KIF26B: variants seen among roughly 807,000 people sequenced by gnomAD.
The protein encoded by KIF26B is kinesin family member 26B.
A neutral mutation model predicts 151.2 loss-of-function variants in KIF26B; 63 were observed. That is an observed-to-expected ratio of 0.42 (90% CI 0.34 to 0.51). The LOEUF (loss-of-function observed/expected upper bound fraction) is 0.51, where lower values mean the gene tolerates loss of function less well. Ranked by LOEUF, KIF26B falls within the 20% of genes least tolerant of loss-of-function variation. The pLI, the probability that KIF26B is intolerant of heterozygous loss-of-function variation, is 0.07. For missense variants in KIF26B, 2,813 were observed against 2,913.6 expected (o/e 0.97, Z 0.79); for synonymous variants, 1,357 against 1,262.1 (o/e 1.08, Z -1.59).
Position 245,703,643 on chromosome 1 carries a change from C to T in KIF26B, c.*1037C>T, listed in dbSNP as rs1035308711. The T allele has an allele frequency of 6.6e-6, 1 of 152,204 alleles. No individual in the cohort carries two copies. Among genetic ancestry groups the T allele is most frequent in the African/African-American group, 2.4e-5 (1 of 41,454 alleles). 9.4% of individuals were successfully genotyped at this position (152,204 alleles called of 1,614,324 possible). A position where few individuals can be genotyped will look rare whatever the true frequency, so the allele number is the denominator to read the frequency against. On this transcript the variant is annotated 3_prime_UTR_variant, in exon 15 of 15. Coordinates refer to ENST00000407071, the MANE Select transcript of KIF26B (RefSeq NM_018012.4). ...TTGAACGAAAGCTGGAACCAATTCA[C>T]CAGAGCCATATTTCTTTCTTTAGTA...
chr1:245,404,535 A>T (rs768222607), intron 3 of KIF26B, among the ~76,000 whole-genome samples: 40 of 152,186 alleles, frequency 2.6e-4, no homozygotes, highest in Non-Finnish European at 5.0e-4. Context: ...GACCCATATT[A>T]TAAAGTTCTA....
At chr1:245,565,109 C>T (rs986751859) in intron 5 of KIF26B, among the ~76,000 whole-genome samples, 43 of 152,214 alleles carry the variant, frequency 2.8e-4, no homozygotes, top group African/African-American at 9.9e-4. Context: ...TGCTTTTCAG[C>T]CTGGCTGAGC....
At chr1:245,172,113 C>T (rs149431924) in intron 2 of KIF26B, among the ~76,000 whole-genome samples, 430 of 152,248 alleles carry the variant, frequency 2.8e-3, no homozygotes, top group Non-Finnish European at 4.8e-3. Context: ...ACCTGTCCAG[C>T]ATTTCTTTGG....
intron 2 of KIF26B, among the ~76,000 whole-genome samples, chr1:245,314,554 A>G (rs1349447254): frequency 6.6e-6 from 1 of 152,196 alleles, no homozygotes; most frequent in Admixed American, 6.5e-5. Flanking sequence ...AAGCAAATGA[A>G]TGGTCGTGTG....
intron 2 of KIF26B, among the ~76,000 whole-genome samples, chr1:245,330,850 T>G (rs34130928): frequency 0.26 from 36,325 of 137,510 alleles, 8,160 homozygotes; most frequent in African/African-American, 0.6. Context: ...TGTCGGAGGA[T>G]GTCTGATATA....
At chr1:245,245,390 G>A (rs1670308546) in intron 2 of KIF26B, among the ~76,000 whole-genome samples, 1 of 152,180 alleles carries the variant, frequency 6.6e-6, no homozygotes, top group African/African-American at 2.4e-5. Context: ...TGAATGGGGT[G>A]ATGCCTGGTC....
chr1:245,261,506 TCC>T (rs1558366115), intron 2 of KIF26B, among the ~76,000 whole-genome samples: 8 of 89,942 alleles, frequency 8.9e-5, no homozygotes, highest in African/African-American at 2.3e-4. Context: ...TCTCTCTCCC[TCC>T]CTCCCTCCCT....
intron 4 of KIF26B, among the ~76,000 whole-genome samples, chr1:245,472,782 A>T (rs1476713349): frequency 2.0e-5 from 3 of 152,182 alleles, no homozygotes; most frequent in Non-Finnish European, 4.4e-5. Flanking sequence ...AACCTCCCTG[A>T]GCCCCTTGGG....
intron 10 of KIF26B, among the ~76,000 whole-genome samples, chr1:245,681,167 T>C (rs2044430955): frequency 6.6e-6 from 1 of 151,892 alleles, no homozygotes; most frequent in African/African-American, 2.4e-5. Flanking sequence ...CAGCTTGATG[T>C]CACCACGTTA....
intron 12 of KIF26B, among the ~76,000 whole-genome samples, chr1:245,690,636 C>T (rs1161349658): frequency 3.9e-5 from 6 of 152,172 alleles, no homozygotes; most frequent in African/African-American, 7.2e-5. Context: ...CAGCCCCATC[C>T]GCTCCCCTCA....
chr1:245,410,771 C>A (rs921698578), intron 3 of KIF26B, among the ~76,000 whole-genome samples: 1 of 152,120 alleles, frequency 6.6e-6, no homozygotes, highest in African/African-American at 2.4e-5. Context: ...ATATATATAA[C>A]CTAAAATTTA....
Position 245,661,310 on chromosome 1 carries a change from G to A in KIF26B, c.2258+15030G>A, listed in dbSNP as rs930553130. Among the ~76,000 whole-genome samples the A allele has an allele frequency of 3.4e-5, 5 of 148,736 alleles. No homozygotes were observed. The South Asian group carries it at 8.8e-4, about 26-fold the overall frequency. Reference sequence around the variant, plus strand: ...GCCCATTTTAATTATTTTGTGATCCGTGGGTTATTTAGAAATGTATTTACT... The same window carrying A: ...GCCCATTTTAATTATTTTGTGATCCATGGGTTATTTAGAAATGTATTTACT... On this transcript the variant is annotated intron_variant, in intron 10 of 14. Transcript: ENST00000407071.
intron 2 of KIF26B, among the ~76,000 whole-genome samples, chr1:245,346,545 T>C (rs779232548): frequency 6.6e-6 from 1 of 152,294 alleles, no homozygotes; most frequent in Middle Eastern, 3.4e-3. Context: ...CCAACCCTAC[T>C]TGTCAGACAG....
At chr1:245,674,870 C>T (rs75080528) in intron 10 of KIF26B, among the ~76,000 whole-genome samples, 2,267 of 152,226 alleles carry the variant, frequency 0.015, 65 homozygotes, top group African/African-American at 0.052. Context: ...TCTGCCAAGT[C>T]GGCCCAAGAC....
At position 245,668,669 on chromosome 1, in the gene KIF26B, G is replaced by A. The variant is rs546947327; in HGVS notation, c.2259-15564G>A. 1.8e-4 allele frequency among the ~76,000 whole-genome samples: 28 copies of A among 152,120 alleles called. 1 individual carries two copies. The East Asian group carries it at 5.2e-3, about 28-fold the overall frequency. On this transcript the variant is annotated intron_variant, in intron 10 of 14. Transcript: ENST00000407071. Reference sequence around the variant, plus strand: ...ATTTTGTGAGAACTGTAGGATCATGGAGATCATGTTTCTTTTCTTTTCTTT... The same window carrying A: ...ATTTTGTGAGAACTGTAGGATCATGAAGATCATGTTTCTTTTCTTTTCTTT...
Position 245,698,168 on chromosome 1 carries a change from C to T in KIF26B, c.5887C>T (p.Pro1963Ser), listed in dbSNP as rs765802976. The change falls in exon 13 of 15, where the codon CCC (proline) becomes TCC (serine). Residue 1963 changes from proline to serine, a missense_variant. Physicochemically the swap from Pro to Ser is moderately conservative, Grantham distance 74. Transcript: ENST00000407071. This position sits in a 1 kb window ranked among gnomAD's most constrained non-coding sequence, Gnocchi z 4.0. ...GGACACCTCTTCCCCTGTGAGAAAA[C>T]CCCCCAACAGCACAGGCGTCCGCTG... ...SLDTSSPVRK[P>S]PNSTGVRWVD... The T allele has an allele frequency of 1.2e-6, 2 of 1,614,014 alleles. No homozygotes were observed. Among genetic ancestry groups the T allele is most frequent in the Non-Finnish European group, 1.7e-6 (2 of 1,179,872 alleles).
intron 10 of KIF26B, among the ~76,000 whole-genome samples, chr1:245,653,594 C>T (rs1572180474): frequency 6.6e-6 from 1 of 152,204 alleles, no homozygotes; most frequent in East Asian, 1.9e-4. Context: ...GTATCTTGTC[C>T]AAGTTCACAC....
At chr1:245,470,326 A>C (rs761907402) in intron 4 of KIF26B, among the ~76,000 whole-genome samples, 6 of 152,214 alleles carry the variant, frequency 3.9e-5, no homozygotes, top group African/African-American at 7.2e-5. Context: ...TCGGGTGGAC[A>C]TGAAAAGAAA....
chr1:245,453,783 G>T (rs1659448517), intron 4 of KIF26B, among the ~76,000 whole-genome samples: 3 of 152,176 alleles, frequency 2.0e-5, no homozygotes, highest in Admixed American at 2.0e-4. Context: ...TGAAATCAGG[G>T]CCCAAGGACT....
Sources: allele counts gnomAD v4.1 joint callset (sites outside exome capture counted in the v4.1 genomes callset), GRCh38; gene constraint gnomAD v4.1.1; non-coding constraint Gnocchi (gnomAD v3.1); transcripts MANE v1.5; gene names NCBI Gene and HGNC (gene_info 2026-07-23, HGNC 2026-07-21).